The following AP3B1 variants were observed in gnomAD, a reference collection of about 807,000 sequenced individuals.
AP3B1 encodes adaptor related protein complex 3 subunit beta 1, also known as AP-3 complex subunit beta-1.
In AP3B1, 61 loss-of-function variants were observed where a neutral mutation model predicts 132.5. The observed-to-expected ratio is 0.46, with a 90% CI of 0.37 to 0.57. The LOEUF (loss-of-function observed/expected upper bound fraction) is 0.57, where lower values mean the gene tolerates loss of function less well. Ranked by LOEUF, AP3B1 falls within the 20% of genes least tolerant of loss-of-function variation. The pLI, the probability that AP3B1 is intolerant of heterozygous loss-of-function variation, is 0.00. For missense variants in AP3B1, 1,120 were observed against 1,289.4 expected (o/e 0.87, Z 2.01); for synonymous variants, 388 against 438.3 (o/e 0.89, Z 1.43).
intron 22 of AP3B1, chr5:78,089,104 A>T: frequency 3.0e-6 from 1 of 338,664 alleles, no homozygotes; most frequent in East Asian, 7.0e-5. Flanking sequence ...GTTCAGGTAT[A>T]TGTACTGCGT....
intron 22 of AP3B1, among the ~76,000 whole-genome samples, chr5:78,048,211 G>GTTCTGATAGCC (rs1748423100): frequency 6.6e-6 from 1 of 152,234 alleles, no homozygotes; most frequent in African/African-American, 2.4e-5. Flanking sequence ...TATCAGAAAT[G>GTTCTGATAGCC]TTCTGATAGC....
At chr5:78,294,014 A>G (rs1749643848) in intron 1 of AP3B1, among the ~76,000 whole-genome samples, 2 of 152,096 alleles carry the variant, frequency 1.3e-5, no homozygotes. Context: ...GGGTCACAAA[A>G]TAACTTCCCA....
chr5:78,168,027 A>T (rs1395144515), intron 11 of AP3B1, among the ~76,000 whole-genome samples: 4 of 151,276 alleles, frequency 2.6e-5, no homozygotes, highest in African/African-American at 9.7e-5. Flanking sequence ...AAAAAAAAAA[A>T]ACAAAAAAAA....
Position 78,270,194 on chromosome 5 carries a change from G to C in AP3B1, c.129-2599C>G, listed in dbSNP as rs1409736666. 2.0e-5 allele frequency among the ~76,000 whole-genome samples: 3 copies of C among 152,136 alleles called. No individual in the cohort carries two copies. In the East Asian group the frequency reaches 5.8e-4, roughly 29 times the overall value. The stretch of plus-strand genomic sequence containing the variant: ...CCCAAAGTGCTATGATTACAGAAAT[G>C]AGCCACCACGCCTGGCCCATTTTAT... On this transcript the variant is annotated intron_variant, in intron 1 of 26. Coordinates refer to ENST00000255194, the MANE Select transcript of AP3B1 (RefSeq NM_003664.5).
chr5:78,049,164 T>C (rs1283073617), intron 22 of AP3B1, among the ~76,000 whole-genome samples: 1 of 152,222 alleles, frequency 6.6e-6, no homozygotes, highest in African/African-American at 2.4e-5. Context: ...AGTTCTGTAT[T>C]GCGGTTAGAG....
intron 3 of AP3B1, among the ~76,000 whole-genome samples, chr5:78,229,096 C>CT (rs1442713673): frequency 6.6e-6 from 1 of 151,658 alleles, no homozygotes; most frequent in Non-Finnish European, 1.5e-5. Flanking sequence ...CCACACCCGG[C>CT]TTTTTTTTAG....
At chr5:78,046,305 C>T (rs1464684671) in intron 22 of AP3B1, among the ~76,000 whole-genome samples, 1 of 152,164 alleles carries the variant, frequency 6.6e-6, no homozygotes, top group Non-Finnish European at 1.5e-5. Flanking sequence ...GAGTGCAAAC[C>T]CTATTGTGAA....
At chr5:78,036,659 A>G (rs1309428512) in intron 23 of AP3B1, among the ~76,000 whole-genome samples, 1 of 152,130 alleles carries the variant, frequency 6.6e-6, no homozygotes, top group Non-Finnish European at 1.5e-5. Flanking sequence ...CTTGTAAGGA[A>G]TACAGTTTCA....
intron 25 of AP3B1, among the ~76,000 whole-genome samples, chr5:78,019,794 C>T (rs1292324537): frequency 6.6e-6 from 1 of 151,902 alleles, no homozygotes; most frequent in Non-Finnish European, 1.5e-5. Context: ...GGAAGCGTGC[C>T]CCTCTTCTTA....
intron 22 of AP3B1, among the ~76,000 whole-genome samples, chr5:78,061,872 C>T (rs1176413904): frequency 6.6e-6 from 1 of 152,088 alleles, no homozygotes; most frequent in African/African-American, 2.4e-5. Context: ...TGACAAAGAA[C>T]AAGGAAGCTG....
chr5:78,090,531 C>T (rs918588111), intron 21 of AP3B1, among the ~76,000 whole-genome samples: 11 of 152,240 alleles, frequency 7.2e-5, no homozygotes, highest in Non-Finnish European at 1.2e-4. Context: ...AAGGAAAACA[C>T]TCTCTGGCTC....
intron 1 of AP3B1, among the ~76,000 whole-genome samples, chr5:78,293,322 A>C (rs1001395420): frequency 4.6e-5 from 7 of 152,376 alleles, no homozygotes; most frequent in Non-Finnish European, 8.8e-5. Context: ...CAAGCTCCGT[A>C]CTTGTTCTAG....
At chr5:78,278,629 G>GAAAAAAAAA in intron 1 of AP3B1, among the ~76,000 whole-genome samples, 3 of 76,712 alleles carry the variant, frequency 3.9e-5, no homozygotes, top group African/African-American at 1.1e-4. Flanking sequence ...AAAAAAAGGG[G>GAAAAAAAAA]GGGGGGGACT....
rs566259631 is a variant in AP3B1 at position 78,097,380 on chromosome 5, G to A, written c.2470+3573C>T. On this transcript the variant is annotated intron_variant, in intron 21 of 26. Transcript: ENST00000255194. ...GGCCAGCCGCCCTGTCCGGGAGGGA[G>A]GTAGGGGGTCAGCCCCCCGCCCGGC... is the stretch of plus-strand genomic sequence containing the variant. 1.9e-3 allele frequency among the ~76,000 whole-genome samples: 260 copies of A among 134,254 alleles called. 12 individuals are homozygous for A. Among genetic ancestry groups the A allele is most frequent in the Non-Finnish European group, 3.1e-3 (190 of 60,602 alleles). The allele number at this position is 134,254 out of a possible 152,430, so 88.1% of individuals were successfully genotyped here.
chr5:78,016,026 A>G (rs921449439), intron 25 of AP3B1, among the ~76,000 whole-genome samples: 2 of 152,086 alleles, frequency 1.3e-5, no homozygotes, highest in Non-Finnish European at 2.9e-5. Context: ...TACCTGGTAA[A>G]TGGCCTCAGT....
chr5:78,145,040 T>C (rs1187397775), intron 14 of AP3B1, among the ~76,000 whole-genome samples: 1 of 152,148 alleles, frequency 6.6e-6, no homozygotes, highest in Non-Finnish European at 1.5e-5. Flanking sequence ...AAACCAGTAT[T>C]TATCATAAAT....
At chr5:78,251,604 C>A (rs1580545680) in intron 2 of AP3B1, among the ~76,000 whole-genome samples, 1 of 152,152 alleles carries the variant, frequency 6.6e-6, no homozygotes, top group Non-Finnish European at 1.5e-5. Context: ...GAAAACCGGA[C>A]CGAACTCAGC....
intron 11 of AP3B1, among the ~76,000 whole-genome samples, chr5:78,171,175 C>G (rs558084690): frequency 5.3e-5 from 8 of 152,156 alleles, no homozygotes; most frequent in Admixed American, 1.3e-4. Context: ...CGTGATGCCT[C>G]CAGCTTTGTT....
At chr5:78,192,808 T>C (rs985757952) in intron 7 of AP3B1, among the ~76,000 whole-genome samples, 8 of 152,190 alleles carry the variant, frequency 5.3e-5, no homozygotes, top group African/African-American at 1.7e-4. Flanking sequence ...TTTTCCATCA[T>C]GTGAAGAAGA....
Sources: allele counts gnomAD v4.1 joint callset (sites outside exome capture counted in the v4.1 genomes callset), GRCh38; gene constraint gnomAD v4.1.1; transcripts MANE v1.5; gene names NCBI Gene and HGNC (gene_info 2026-07-23, HGNC 2026-07-21).